MS4A4E: variants seen among roughly 807,000 people sequenced by gnomAD.
MS4A4E encodes putative membrane-spanning 4-domains subfamily A member 4E.
A neutral mutation model predicts 13.3 loss-of-function variants in MS4A4E; 23 were observed. The ratio of observed to expected loss-of-function variants is 1.73; its 90% CI spans 1.25 to 2.45. The LOEUF (loss-of-function observed/expected upper bound fraction) is 2.45. MS4A4E is among the 30% of genes most tolerant of loss of function. The pLI is 0.00. For missense variants in MS4A4E, 144 were observed against 131.2 expected, an observed-to-expected ratio of 1.10 and a Z score of -0.48; for synonymous variants, 36 against 45.6, an observed-to-expected ratio of 0.79 and a Z score of 0.85.
At chr11:60,228,793 G>C (rs11601689) in intron 2 of MS4A4E, among the ~76,000 whole-genome samples, 166 bp from the exon 3 acceptor site, 49,233 of 152,172 alleles carry the variant, frequency 0.32, 9,053 homozygotes, top group South Asian at 0.51. Context: ...AGAAAACATA[G>C]AGGAAATTTA....
At chr11:60,215,962 T>C (rs776844174) in intron 3 of MS4A4E, among the ~76,000 whole-genome samples, 1 of 152,184 alleles carries the variant, frequency 6.6e-6, no homozygotes, top group South Asian at 2.1e-4. Context: ...AAAAAATATG[T>C]ATATGGTATC....
chr11:60,221,506 T>C (rs1025757857), intron 3 of MS4A4E, among the ~76,000 whole-genome samples: 2 of 152,188 alleles, frequency 1.3e-5, no homozygotes, highest in Non-Finnish European at 2.9e-5. Flanking sequence ...CTGCACGATA[T>C]GCAGGCACCA....
At chr11:60,231,378 A>G (rs1018938080) in intron 1 of MS4A4E, among the ~76,000 whole-genome samples, 1 of 152,048 alleles carries the variant, frequency 6.6e-6, no homozygotes, top group African/African-American at 2.4e-5. Context: ...AAGGACTTAA[A>G]TGTAAGAATG....
intron 6 of MS4A4E, among the ~76,000 whole-genome samples, chr11:60,207,568 C>T (rs1035184757): frequency 6.6e-6 from 1 of 152,078 alleles, no homozygotes; most frequent in African/African-American, 2.4e-5. Flanking sequence ...GACAGAGAGG[C>T]ACAAAATGAT....
chr11:60,220,127 T>A (rs527696857), intron 3 of MS4A4E, among the ~76,000 whole-genome samples: 1 of 152,184 alleles, frequency 6.6e-6, no homozygotes, highest in African/African-American at 2.4e-5. Context: ...CCTGAAGGGA[T>A]TGCAGACATT....
chr11:60,235,246 G>T (rs549035418), intron 1 of MS4A4E, among the ~76,000 whole-genome samples: 1 of 152,208 alleles, frequency 6.6e-6, no homozygotes, highest in East Asian at 1.9e-4. Flanking sequence ...GTGCACACCA[G>T]CACACCCAGC....
At chr11:60,235,321 A>C (rs1259916353) in intron 1 of MS4A4E, among the ~76,000 whole-genome samples, 1 of 152,170 alleles carries the variant, frequency 6.6e-6, no homozygotes, top group East Asian at 1.9e-4. Context: ...TCAAATTCAC[A>C]GGGTCAAGCA....
chr11:60,200,506 T>C lies in MS4A4E; in HGVS notation c.*1037A>G, dbSNP rs982243906. On this transcript the variant is annotated 3_prime_UTR_variant, in exon 9 of 9. Transcript: ENST00000651255. ...TGGTGATGACTCTTAACGAGCATGC[T>C]GCCTTCAAGCATCTGTTTAACAAAG... 5.3e-5 allele frequency among the ~76,000 whole-genome samples: 8 copies of C among 152,124 alleles called. No individual in the cohort carries two copies. The highest frequency in any genetic ancestry group is 1.9e-4 in the African/African-American group (8 of 41,416).
At chr11:60,214,046 AG>A (rs2084159353) in intron 4 of MS4A4E, among the ~76,000 whole-genome samples, 1 of 152,020 alleles carries the variant, frequency 6.6e-6, no homozygotes, top group Non-Finnish European at 1.5e-5. Context: ...CTGGGATTAC[AG>A]GCGCCCGTCA....
At chr11:60,240,652 A>C (rs2084536994) in intron 1 of MS4A4E, among the ~76,000 whole-genome samples, 1 of 152,180 alleles carries the variant, frequency 6.6e-6, no homozygotes, top group Non-Finnish European at 1.5e-5. Flanking sequence ...TATTGGACTT[A>C]TTTAAGTTGT....
chr11:60,207,517 C>T (rs969975810), intron 6 of MS4A4E, among the ~76,000 whole-genome samples: 2 of 151,990 alleles, frequency 1.3e-5, no homozygotes, highest in South Asian at 2.1e-4. Context: ...GGAGGGTTGT[C>T]GGGGAGTGGG....
In MS4A4E at chr11:60,213,041, A is replaced by C. The variant is rs192020637; in HGVS notation, c.314T>G (p.Phe105Cys). 2 of 457,322 alleles carry C rather than the reference A, an allele frequency of 4.4e-6. No individual in the cohort carries two copies. The highest frequency in any genetic ancestry group is 4.0e-5 in the African/African-American group (2 of 49,912). 28.3% of individuals were successfully genotyped at this position (457,322 alleles called of 1,614,324 possible). A position where few individuals can be genotyped will look rare whatever the true frequency, so the allele number is the denominator to read the frequency against. ...ATCGTGGTTACAGTAATGGTAACGG[A>C]ATGAATAAAACGTCAAGCTTATTGC... Reference protein sequence around the residue: ...INAISLTFYSFRYHYCNHDQL... With the variant: ...INAISLTFYSCRYHYCNHDQL... The change falls in exon 5 of 9, where the codon TTC becomes TGC. Residue 105 changes from phenylalanine to cysteine, a missense_variant. By Grantham distance (205) the Phe-to-Cys change is radical. This residue lies in a region of MS4A4E where 119 missense variants were observed against 88.7 expected (regional missense o/e 1.34). Transcript: ENST00000651255.
At chr11:60,232,833 C>T (rs1261731877) in intron 1 of MS4A4E, among the ~76,000 whole-genome samples, 1 of 152,086 alleles carries the variant, frequency 6.6e-6, no homozygotes, top group Non-Finnish European at 1.5e-5. Context: ...CACGTGGAAG[C>T]CATTCCTGAG....
In MS4A4E at chr11:60,203,521, G is replaced by T. The variant is rs554503458; in HGVS notation, c.659+1369C>A. On this transcript the variant is annotated intron_variant, in intron 8 of 8. Coordinates refer to ENST00000651255, the MANE Select transcript of MS4A4E (RefSeq NM_001393391.1). ...CCCAGCACTTTGGGAGGCCAAAGTGGGTGGATCGCCTGAGCTCATGAGTTC... is the reference window on the plus strand; with the variant it reads ...CCCAGCACTTTGGGAGGCCAAAGTGTGTGGATCGCCTGAGCTCATGAGTTC... Among the ~76,000 whole-genome samples, 102 of 152,202 alleles carry T rather than the reference G, an allele frequency of 6.7e-4. 2 individuals are homozygous for T. The South Asian group carries it at 8.5e-3, about 13-fold the overall frequency.
chr11:60,211,311 ATTAC>A (rs774863897), intron 5 of MS4A4E, among the ~76,000 whole-genome samples: 12 of 152,246 alleles, frequency 7.9e-5, no homozygotes, highest in Non-Finnish European at 5.9e-5. Flanking sequence ...AAGAAATAAA[ATTAC>A]TTACTATAAA....
intron 3 of MS4A4E, chr11:60,225,066 T>A: frequency 6.4e-7 from 1 of 1,560,970 alleles, no homozygotes; most frequent in Non-Finnish European, 8.6e-7. Context: ...ATGCTAAGGC[T>A]CATCAAGGCA....
intron 1 of MS4A4E, among the ~76,000 whole-genome samples, chr11:60,239,664 G>A (rs908747148): frequency 5.9e-5 from 9 of 152,200 alleles, no homozygotes; most frequent in African/African-American, 2.2e-4. Flanking sequence ...AGACTATGTA[G>A]AGGTGGGCCA....
chr11:60,229,880 T>G, intron 2 of MS4A4E, 32 bp downstream of exon 2: 1 of 1,566,678 alleles, frequency 6.4e-7, no homozygotes, highest in Non-Finnish European at 8.6e-7. Flanking sequence ...TACAACACTA[T>G]TGGTCTTCTC....
intron 3 of MS4A4E, among the ~76,000 whole-genome samples, chr11:60,223,139 C>T (rs1426229771): frequency 1.3e-5 from 2 of 152,132 alleles, no homozygotes; most frequent in African/African-American, 4.8e-5. Flanking sequence ...TCAATACCAG[C>T]TACAACCATG....
Sources: allele counts gnomAD v4.1 joint callset (sites outside exome capture counted in the v4.1 genomes callset), GRCh38; gene constraint gnomAD v4.1.1; regional missense constraint gnomAD v4.1.1; transcripts MANE v1.5; gene names NCBI Gene and HGNC (gene_info 2026-07-23, HGNC 2026-07-21).